Variants in HMCN1 observed in about 807,000 individuals in gnomAD.
HMCN1 encodes the protein hemicentin-1.
A neutral mutation model predicts 625.9 loss-of-function variants in HMCN1; 321 were observed. The ratio of observed to expected loss-of-function variants is 0.51; its 90% confidence interval spans 0.47 to 0.56. The LOEUF is 0.56. Among genes scored for constraint, HMCN1 ranks in the 20% least tolerant of loss-of-function variants. The pLI is 0.00. For missense variants in HMCN1, 6,588 were observed against 6,887.3 expected (o/e 0.96, Z 1.54); for synonymous variants, 2,425 against 2,417.6 (o/e 1.00, Z -0.09).
intron 70 of HMCN1, 100 bp downstream of exon 70, chr1:186,107,065 G>A (rs1458089448): frequency 7.3e-6 from 6 of 821,374 alleles, no homozygotes; most frequent in Admixed American, 3.6e-5. Flanking sequence ...TTATAAGTTA[G>A]GGAATATATA....
At chr1:186,105,587 C>T (rs1277708126) in intron 69 of HMCN1, among the ~76,000 whole-genome samples, 1 of 152,180 alleles carries the variant, frequency 6.6e-6, no homozygotes, top group Non-Finnish European at 1.5e-5. Context: ...ATATACTGTA[C>T]CCTCCTTTTC....
chr1:186,137,301 G>T (rs367964158), intron 87 of HMCN1, among the ~76,000 whole-genome samples, 197 bp from the exon 88 acceptor site: 1 of 152,144 alleles, frequency 6.6e-6, no homozygotes, highest in Non-Finnish European at 1.5e-5. Flanking sequence ...GTGAGGATTC[G>T]ATCTGAGAAG....
chr1:185,997,141 G>A (rs541192051), intron 24 of HMCN1, among the ~76,000 whole-genome samples: 10 of 152,092 alleles, frequency 6.6e-5, no homozygotes, highest in Non-Finnish European at 1.5e-4. Flanking sequence ...TCAAGCTTAA[G>A]GGAGAAAGAA....
chr1:185,948,122 T>C (rs981025256), intron 11 of HMCN1, among the ~76,000 whole-genome samples: 13 of 152,210 alleles, frequency 8.5e-5, no homozygotes, highest in Admixed American at 3.9e-4. Flanking sequence ...GAAATATAGA[T>C]ACTTAGAAGG....
intron 36 of HMCN1, among the ~76,000 whole-genome samples, chr1:186,024,117 T>A (rs1326279699): frequency 6.6e-6 from 1 of 152,180 alleles, no homozygotes; most frequent in Non-Finnish European, 1.5e-5. Context: ...ACACCTAACT[T>A]AGGGATGTCT....
At chr1:185,784,726 T>C (rs1657439677) in intron 1 of HMCN1, among the ~76,000 whole-genome samples, 1 of 152,214 alleles carries the variant, frequency 6.6e-6, no homozygotes, top group African/African-American at 2.4e-5. Flanking sequence ...CTCAGTCTAC[T>C]TCTTGTCTTT....
At chr1:186,134,005 C>T (rs1022675071) in intron 86 of HMCN1, among the ~76,000 whole-genome samples, 4 of 151,858 alleles carry the variant, frequency 2.6e-5, no homozygotes, top group Admixed American at 6.6e-5. Context: ...GTTGAGTGAA[C>T]GTAGGTAGAA....
intron 83 of HMCN1, among the ~76,000 whole-genome samples, chr1:186,129,247 G>A (rs924210081): frequency 4.6e-5 from 7 of 150,958 alleles, no homozygotes; most frequent in African/African-American, 7.3e-5. Flanking sequence ...GTAAACATAC[G>A]TATTTAGATA....
At chr1:186,136,209 C>G (rs1240550893) in intron 86 of HMCN1, among the ~76,000 whole-genome samples, 1 of 152,002 alleles carries the variant, frequency 6.6e-6, no homozygotes, top group Non-Finnish European at 1.5e-5. Flanking sequence ...CTCTTTACCT[C>G]AAAAATGATC....
At chr1:185,943,108 T>C (rs536558665) in intron 11 of HMCN1, among the ~76,000 whole-genome samples, 2 of 152,254 alleles carry the variant, frequency 1.3e-5, no homozygotes, top group Non-Finnish European at 2.9e-5. Context: ...AGGATCTGGA[T>C]GGCAGGAGCT....
intron 1 of HMCN1, 36 bp downstream of exon 1, chr1:185,735,083 C>T: frequency 6.3e-7 from 1 of 1,592,450 alleles, no homozygotes; most frequent in South Asian, 1.1e-5. Context: ...TTTGCTATGT[C>T]TCATGATTAC....
At chr1:185,910,630 G>A (rs972849488) in intron 5 of HMCN1, among the ~76,000 whole-genome samples, 2 of 149,460 alleles carry the variant, frequency 1.3e-5, no homozygotes, top group African/African-American at 5.0e-5. Flanking sequence ...AAGTGCAGTA[G>A]CATGACCTCA....
chr1:186,073,355 A>G (rs1658589468), intron 52 of HMCN1, among the ~76,000 whole-genome samples: 1 of 152,190 alleles, frequency 6.6e-6, no homozygotes. Flanking sequence ...ATATCAAGAA[A>G]TGATGGAAGG....
chr1:185,844,352 T>C (rs1390715768), intron 1 of HMCN1, among the ~76,000 whole-genome samples: 1 of 152,178 alleles, frequency 6.6e-6, no homozygotes, highest in Non-Finnish European at 1.5e-5. Flanking sequence ...GTCTAATCTA[T>C]AGTGAAGGAT....
intron 15 of HMCN1, among the ~76,000 whole-genome samples, chr1:185,976,331 G>A (rs1651212381): frequency 6.6e-6 from 1 of 152,132 alleles, no homozygotes; most frequent in African/African-American, 2.4e-5. Flanking sequence ...AGAAGAACAA[G>A]GGATGTTGAT....
At chr1:186,053,368 G>A (rs527645706) in intron 43 of HMCN1, among the ~76,000 whole-genome samples, 22 of 151,962 alleles carry the variant, frequency 1.4e-4, no homozygotes, top group East Asian at 3.9e-4. Flanking sequence ...TCGAGAATCC[G>A]TCATTCAGAA....
chr1:186,188,088 C>G, intron 106 of HMCN1, 79 bp downstream of exon 106: 1 of 1,535,980 alleles, frequency 6.5e-7, no homozygotes, highest in Non-Finnish European at 9.0e-7. Context: ...ACTTTAGTCT[C>G]TTGTCATGTG....
chr1:186,179,885 G>A (rs11579683), intron 104 of HMCN1, among the ~76,000 whole-genome samples: 44,818 of 151,758 alleles, frequency 0.3, 6,814 homozygotes, highest in Middle Eastern at 0.39. Flanking sequence ...ACTCAGTTGG[G>A]CCCTCAGTCC....
intron 71 of HMCN1, among the ~76,000 whole-genome samples, chr1:186,111,442 G>C (rs796328735): frequency 6.6e-6 from 1 of 151,968 alleles, no homozygotes; most frequent in Non-Finnish European, 1.5e-5. Context: ...TAAGGACAAG[G>C]GTTCAAGACC....
Sources: gnomAD v4.1 joint callset for allele counts (sites outside exome capture counted in the v4.1 genomes callset) on GRCh38, gnomAD v4.1.1 for gene constraint, MANE v1.5 for transcripts, NCBI Gene and HGNC (gene_info 2026-07-23, HGNC 2026-07-21) for gene names.